Variants in LGALS3 observed in about 807,000 individuals in gnomAD.
LGALS3 encodes the protein galectin 3, also known as galectin-3.
Under a neutral mutation model 20.7 loss-of-function variants are expected in LGALS3, and 18 were observed. The observed-to-expected ratio is 0.87, with a 90% CI of 0.60 to 1.29. The LOEUF is 1.29. LGALS3 is among the 50% of genes most tolerant of loss of function. The pLI, the probability that LGALS3 is intolerant of heterozygous loss-of-function variation, is 0.00. For synonymous variants in LGALS3, 112 were observed against 119.6 expected, an observed-to-expected ratio of 0.94 and a Z score of 0.42; for missense variants, 315 against 314.7, an observed-to-expected ratio of 1.00 and a Z score of -0.01.
chr14:55,137,952 C>A, intron 2 of LGALS3, 93 bp from the exon 3 acceptor site: 1 of 1,421,786 alleles, frequency 7.0e-7, no homozygotes. Context: ...TGCCATATTC[C>A]TCTCCTTCTT....
At chr14:55,130,495 C>T (rs1429332672) in intron 1 of LGALS3, among the ~76,000 whole-genome samples, 1 of 151,654 alleles carries the variant, frequency 6.6e-6, no homozygotes, top group Non-Finnish European at 1.5e-5. Context: ...CAATTAACTA[C>T]TTGGGCACAG....
At chr14:55,135,859 C>G in intron 1 of LGALS3, among the ~76,000 whole-genome samples, 1 of 152,152 alleles carries the variant, frequency 6.6e-6, no homozygotes, top group Admixed American at 6.5e-5. Context: ...GCCACCACAC[C>G]CAGCCAATAT....
chr14:55,138,155 G>C lies in LGALS3; in HGVS notation c.129G>C (p.Gly43=), dbSNP rs1305692449. The change falls in exon 3 of 6, where the codon GGG becomes GGC. Residue 43 remains glycine, a synonymous_variant. Coordinates refer to ENST00000254301, the MANE Select transcript of LGALS3 (RefSeq NM_002306.4). ...GCTACCCAGGGGCTTCCTATCCTGG[G>C]GCCTACCCCGGGCAGGCACCCCCAG... ...AGGYPGASYP[G]AYPGQAPPGA... The C allele has an allele frequency of 6.2e-7, 1 of 1,601,730 alleles. No homozygotes were observed. Among genetic ancestry groups the C allele is most frequent in the East Asian group, 2.2e-5 (1 of 44,788 alleles).
chr14:55,132,425 C>T (rs1307486387), intron 1 of LGALS3, among the ~76,000 whole-genome samples: 1 of 151,668 alleles, frequency 6.6e-6, no homozygotes, highest in Non-Finnish European at 1.5e-5. Flanking sequence ...GTATGTCTCT[C>T]TCTGTAAACT....
intron 1 of LGALS3, among the ~76,000 whole-genome samples, chr14:55,131,391 T>C (rs1355936214): frequency 6.6e-6 from 1 of 152,226 alleles, no homozygotes; most frequent in East Asian, 1.9e-4. Flanking sequence ...TCATGTATAA[T>C]TTAGGTACCT....
At position 55,145,167 on chromosome 14, in the gene LGALS3, C is replaced by T. The variant is rs1235985552; in HGVS notation, c.649C>T (p.His217Tyr). Residue 217 changes from histidine (H) to tyrosine (Y), a missense_variant, in exon 6 of 6, where the codon CAC becomes TAC. By Grantham distance (83) the His-to-Tyr change is moderately conservative. Transcript: ENST00000254301. ...CTTCAAGGTTGCAGTGAATGATGCTCACTTGTTGCAGTACAATCATCGGGT... is the reference window on the plus strand; with the variant it reads ...CTTCAAGGTTGCAGTGAATGATGCTTACTTGTTGCAGTACAATCATCGGGT... ...DHFKVAVNDA[H>Y]LLQYNHRVKK... The T allele has an allele frequency of 1.2e-6, 2 of 1,613,764 alleles. No homozygotes were observed. The highest frequency in any genetic ancestry group is 2.7e-5 in the African/African-American group (2 of 74,872).
At chr14:55,145,021 A>G (rs1400259807) in intron 5 of LGALS3, 95 bp from the exon 6 acceptor site, 5 of 984,810 alleles carry the variant, frequency 5.1e-6, no homozygotes, top group South Asian at 1.6e-5. Flanking sequence ...AATTGTTTCT[A>G]TAGTGCAGAT....
chr14:55,141,658 A>G (rs1207179581), intron 4 of LGALS3, among the ~76,000 whole-genome samples: 2 of 151,912 alleles, frequency 1.3e-5, no homozygotes, highest in African/African-American at 4.8e-5. Flanking sequence ...AACTGTGTAG[A>G]AAAAAAAAGT....
At position 55,140,294 on chromosome 14, in the gene LGALS3, C is replaced by A; in HGVS notation, c.362C>A (p.Pro121His). ...TCCCAGATTGTGCCTTATAACCTGC[C>A]TTTGCCTGGGGGAGTGGTGCCTCGC... is the stretch of plus-strand genomic sequence containing the variant. ...AGPLIVPYNL[P>H]LPGGVVPRML... Residue 121 changes from proline (P) to histidine (H), a missense_variant, in exon 4 of 6, where the codon CCT becomes CAT. Transcript: ENST00000254301. 6.2e-7 allele frequency: 1 copy of A among 1,613,314 alleles called. No individual in the cohort carries two copies. The highest frequency in any genetic ancestry group is 8.5e-7 in the Non-Finnish European group (1 of 1,179,408).
Position 55,138,054 on chromosome 14 carries a change from G to T in LGALS3, c.28G>T (p.Ala10Ser). ...ATGTCTTTCTTTCCAGCTCCATGAT[G>T]CGTTATCTGGGTCTGGAAACCCAAA... is the stretch of plus-strand genomic sequence containing the variant. The part of the protein sequence containing the change: MADNFSLHD[A>S]LSGSGNPNPQ... The change falls in exon 3 of 6, where the codon GCG becomes TCG. Residue 10 changes from alanine (A) to serine (S), a missense_variant. Ala to Ser is a moderately conservative substitution (Grantham distance 99, BLOSUM62 1). Coordinates refer to ENST00000254301, the MANE Select transcript of LGALS3 (RefSeq NM_002306.4). 1 of 1,499,792 alleles carries T rather than the reference G, an allele frequency of 6.7e-7. No individual in the cohort carries two copies. Among genetic ancestry groups the T allele is most frequent in the Non-Finnish European group, 8.9e-7 (1 of 1,124,984 alleles). 92.9% of individuals were successfully genotyped at this position (1,499,792 alleles called of 1,614,324 possible).
chr14:55,137,451 G>A, intron 2 of LGALS3, 60 bp downstream of exon 2: 1 of 1,614,058 alleles, frequency 6.2e-7, no homozygotes, highest in Admixed American at 1.7e-5. Context: ...AGGGTTGGGG[G>A]TTTTGTTTTT....
At chr14:55,131,723 A>G (rs1260989091) in intron 1 of LGALS3, among the ~76,000 whole-genome samples, 1 of 152,202 alleles carries the variant, frequency 6.6e-6, no homozygotes, top group African/African-American at 2.4e-5. Flanking sequence ...ACCAAGTGTC[A>G]TGTGTTCTCT....
chr14:55,134,262 A>G (rs561328494), intron 1 of LGALS3, among the ~76,000 whole-genome samples: 2 of 152,290 alleles, frequency 1.3e-5, no homozygotes, highest in African/African-American at 4.8e-5. Flanking sequence ...CTGGCAGCAT[A>G]TGTATTGAAG....
In LGALS3 at chr14:55,145,121, A is replaced by T. The variant is rs11125; in HGVS notation, c.603A>T (p.Gln201His). The T allele has an allele frequency of 0.074, 119,384 of 1,612,430 alleles. 4,848 individuals carry two copies. Among genetic ancestry groups the T allele is most frequent in the South Asian group, 0.095 (8,649 of 91,020 alleles). Reference protein sequence around the residue: ...PFESGKPFKIQVLVEPDHFKV... With the variant: ...PFESGKPFKIHVLVEPDHFKV... The stretch of plus-strand genomic sequence containing the variant: ...TTATGTATATGCCATTTCAGATACA[A>T]GTACTGGTTGAACCTGACCACTTCA... Residue 201 changes from glutamine (Q) to histidine (H), a missense_variant, in exon 6 of 6, where the codon CAA becomes CAT. By Grantham distance (24) the Gln-to-His change is conservative (BLOSUM62 0). Transcript: ENST00000254301.
chr14:55,136,795 C>A (rs1269627038), intron 1 of LGALS3, among the ~76,000 whole-genome samples: 1 of 151,592 alleles, frequency 6.6e-6, no homozygotes, highest in African/African-American at 2.4e-5. Context: ...ACTATCCCCA[C>A]CTCCCTCCCA....
intron 5 of LGALS3, 117 bp from the exon 6 acceptor site, chr14:55,144,999 C>T: frequency 1.3e-6 from 1 of 796,976 alleles, no homozygotes; most frequent in Non-Finnish European, 2.0e-6. Flanking sequence ...CCCTTTATTT[C>T]AGTTGACAAA....
rs772311660 is a variant in LGALS3, at chr14:55,145,362, C to T, written c.*91C>T. 3 of 1,576,432 alleles carry T rather than the reference C, an allele frequency of 1.9e-6. No individual in the cohort carries two copies. The highest frequency in any genetic ancestry group is 2.6e-6 in the Non-Finnish European group (3 of 1,161,868). ...CACTGTGAGTGAAAATTTTTACATT[C>T]ATCAATATCCCTCTTGTAAGTCATC... On this transcript the variant is annotated 3_prime_UTR_variant, in exon 6 of 6. Transcript: ENST00000254301.
Position 55,140,324 on chromosome 14 carries a change from T to C in LGALS3, c.392T>C (p.Leu131Pro). ...CCTGGGGGAGTGGTGCCTCGCATGC[T>C]GATAACAATTCTGGGCACGGTGAAG... ...PLPGGVVPRM[L>P]ITILGTVKPN... Residue 131 changes from leucine (L) to proline (P), a missense_variant, in exon 4 of 6, where the codon CTG (leucine) becomes CCG (proline). Coordinates refer to ENST00000254301, the MANE Select transcript of LGALS3 (RefSeq NM_002306.4). 1.9e-6 allele frequency: 3 copies of C among 1,613,778 alleles called. No homozygotes were observed. Among genetic ancestry groups the C allele is most frequent in the South Asian group, 2.2e-5 (2 of 90,964 alleles).
intron 4 of LGALS3, among the ~76,000 whole-genome samples, chr14:55,141,727 T>C (rs1457920794): frequency 6.6e-6 from 1 of 152,232 alleles, no homozygotes; most frequent in Non-Finnish European, 1.5e-5. Context: ...TTCTATGCTG[T>C]TTTTTCCTTA....
Sources: gnomAD v4.1 joint callset for allele counts (sites outside exome capture counted in the v4.1 genomes callset) on GRCh38, gnomAD v4.1.1 for gene constraint, MANE v1.5 for transcripts, NCBI Gene and HGNC (gene_info 2026-07-23, HGNC 2026-07-21) for gene names.